RBMS3: variants seen among roughly 807,000 people sequenced by gnomAD.
The protein encoded by RBMS3 is RNA binding motif single stranded interacting protein 3.
A neutral mutation model predicts 66.8 loss-of-function variants in RBMS3; 27 were observed. That is an observed-to-expected ratio of 0.40 (90% CI 0.30 to 0.56). RBMS3 has a LOEUF of 0.56. Among genes scored for constraint, RBMS3 ranks in the 20% least tolerant of loss-of-function variants. RBMS3 has a pLI of 0.40. For missense variants in RBMS3, 513 were observed against 549.5 expected, an observed-to-expected ratio of 0.93 and a Z score of 0.66; for synonymous variants, 188 against 183.0, an observed-to-expected ratio of 1.03 and a Z score of -0.22.
intron 12 of RBMS3, among the ~76,000 whole-genome samples, chr3:29,949,752 TA>T (rs1475219922): frequency 1.1e-4 from 17 of 151,488 alleles, no homozygotes; most frequent in African/African-American, 1.5e-4. Flanking sequence ...ATTTTTTATA[TA>T]TTTTTTTAAT....
intron 1 of RBMS3, among the ~76,000 whole-genome samples, chr3:29,366,158 G>A (rs970950757): frequency 6.6e-6 from 1 of 151,952 alleles, no homozygotes; most frequent in Non-Finnish European, 1.5e-5. Flanking sequence ...ACTAAAGTCA[G>A]GTTTATTTTT....
chr3:29,959,015 C>G (rs780535610), intron 12 of RBMS3, among the ~76,000 whole-genome samples: 3 of 152,122 alleles, frequency 2.0e-5, no homozygotes, highest in Admixed American at 6.5e-5. Flanking sequence ...TGAGAAGATA[C>G]AAGAATTCGA....
At chr3:29,709,691 G>T (rs2053072940) in intron 4 of RBMS3, among the ~76,000 whole-genome samples, 1 of 152,130 alleles carries the variant, frequency 6.6e-6, no homozygotes, top group Non-Finnish European at 1.5e-5. Flanking sequence ...AATCTCTTAT[G>T]TTTGTCCCCG....
At chr3:29,971,559 A>T (rs1697227645) in intron 12 of RBMS3, among the ~76,000 whole-genome samples, 1 of 151,870 alleles carries the variant, frequency 6.6e-6, no homozygotes, top group Non-Finnish European at 1.5e-5. Context: ...TTTTTAACGG[A>T]CTTTATTCTC....
intron 6 of RBMS3, among the ~76,000 whole-genome samples, chr3:29,861,181 A>C (rs980411149): frequency 2.0e-5 from 3 of 152,204 alleles, no homozygotes; most frequent in Non-Finnish European, 4.4e-5. Flanking sequence ...TGGATCAAAA[A>C]TTTATAACAT....
rs191533925 is a variant in RBMS3, at chr3:29,812,055, A to G, written c.637+49066A>G. Among the ~76,000 whole-genome samples, 154 of 152,302 alleles carry G rather than the reference A, an allele frequency of 1.0e-3. 1 individual carries two copies. Among genetic ancestry groups the G allele is most frequent in the African/African-American group, 3.6e-3 (149 of 41,562 alleles). The stretch of plus-strand genomic sequence containing the variant: ...ATATTATGATAGAAATAGACATAAG[A>G]TGTTAAAGTGGGACTTCTTAAAGTG... On this transcript the variant is annotated intron_variant, in intron 6 of 14. Transcript: ENST00000383767.
At chr3:29,549,284 T>C (rs999883172) in intron 3 of RBMS3, among the ~76,000 whole-genome samples, 1 of 152,212 alleles carries the variant, frequency 6.6e-6, no homozygotes, top group Admixed American at 6.5e-5. Context: ...GAATAATATA[T>C]CTGTGCTGTG....
intron 6 of RBMS3, among the ~76,000 whole-genome samples, chr3:29,818,701 G>C (rs2057988567): frequency 6.6e-6 from 1 of 151,908 alleles, no homozygotes. Flanking sequence ...CATAACTATT[G>C]GTTAATTTCT....
intron 3 of RBMS3, among the ~76,000 whole-genome samples, chr3:29,547,891 A>G (rs191028938): frequency 3.4e-5 from 5 of 145,260 alleles, no homozygotes; most frequent in Non-Finnish European, 6.0e-5. Context: ...AGTTCACACA[A>G]CCTCCGTCTT....
At chr3:29,737,831 A>AGTGAGT (rs1443110452) in intron 4 of RBMS3, among the ~76,000 whole-genome samples, 1 of 145,758 alleles carries the variant, frequency 6.9e-6, no homozygotes, top group African/African-American at 2.6e-5. Context: ...GTGATAGTGG[A>AGTGAGT]GTGTGTGTGT....
intron 2 of RBMS3, among the ~76,000 whole-genome samples, chr3:29,457,539 T>C (rs986225874): frequency 2.3e-4 from 35 of 151,994 alleles, no homozygotes; most frequent in African/African-American, 8.2e-4. Flanking sequence ...CTGGTCAACA[T>C]AGTGAAACCT....
intron 1 of RBMS3, among the ~76,000 whole-genome samples, chr3:29,319,403 G>A (rs2034878491): frequency 6.6e-6 from 1 of 151,956 alleles, no homozygotes; most frequent in South Asian, 2.1e-4. Flanking sequence ...CTTCTGTTAA[G>A]CTGGGGACCT....
intron 1 of RBMS3, among the ~76,000 whole-genome samples, chr3:29,414,458 A>G (rs2040397407): frequency 6.6e-6 from 1 of 152,224 alleles, no homozygotes; most frequent in Non-Finnish European, 1.5e-5. Flanking sequence ...TTCTTCTCCA[A>G]ATAAGTTGCT....
intron 4 of RBMS3, among the ~76,000 whole-genome samples, chr3:29,652,679 G>A (rs2050187449): frequency 6.6e-6 from 1 of 152,092 alleles, no homozygotes; most frequent in Non-Finnish European, 1.5e-5. Flanking sequence ...GTTTAAGCAG[G>A]CAAAATGTTT....
intron 4 of RBMS3, among the ~76,000 whole-genome samples, chr3:29,671,484 C>T (rs1327556271): frequency 6.6e-6 from 1 of 152,098 alleles, no homozygotes; most frequent in African/African-American, 2.4e-5. Context: ...CAAACTTCTC[C>T]AATCTAAAGC....
chr3:29,340,250 G>T (rs2036207268), intron 1 of RBMS3, among the ~76,000 whole-genome samples: 1 of 152,126 alleles, frequency 6.6e-6, no homozygotes, highest in South Asian at 2.1e-4. Context: ...TGGTAGCAAA[G>T]AATTAAACTA....
chr3:29,785,378 T>C (rs769445990), intron 6 of RBMS3, among the ~76,000 whole-genome samples: 1 of 151,656 alleles, frequency 6.6e-6, no homozygotes, highest in Non-Finnish European at 1.5e-5. Flanking sequence ...AATCTAAAAA[T>C]TCAATGCAAT....
intron 5 of RBMS3, among the ~76,000 whole-genome samples, chr3:29,761,826 C>T (rs2055701782): frequency 6.6e-6 from 1 of 152,074 alleles, no homozygotes; most frequent in Non-Finnish European, 1.5e-5. Context: ...TAAACTTTGC[C>T]TTTTGAACAC....
intron 1 of RBMS3, among the ~76,000 whole-genome samples, chr3:29,326,875 C>T (rs942556961): frequency 5.9e-5 from 9 of 151,950 alleles, no homozygotes; most frequent in South Asian, 4.2e-4. Flanking sequence ...GGACTACAGA[C>T]GTGCACCACC....
Sources: gnomAD v4.1 joint callset for allele counts (sites outside exome capture counted in the v4.1 genomes callset) on GRCh38, gnomAD v4.1.1 for gene constraint, MANE v1.5 for transcripts, NCBI Gene and HGNC (gene_info 2026-07-23, HGNC 2026-07-21) for gene names.